Variants in PKD1L3 observed in about 807,000 individuals in gnomAD.
The protein encoded by PKD1L3 is polycystin-1-like protein 3.
PKD1L3 carries 239 observed loss-of-function variants against 184.1 expected under a neutral mutation model. The ratio of observed to expected loss-of-function variants is 1.30; its 90% CI spans 1.17 to 1.45. The LOEUF (loss-of-function observed/expected upper bound fraction) is 1.45, where lower values mean the gene tolerates loss of function less well. PKD1L3 is among the 40% of genes most tolerant of loss of function. The pLI, the probability that PKD1L3 is intolerant of heterozygous loss-of-function variation, is 0.00. For missense variants in PKD1L3, 2,660 were observed against 2,067.2 expected (o/e 1.29, Z -5.56); for synonymous variants, 996 against 778.8 (o/e 1.28, Z -4.64).
rs201048620 is a variant in PKD1L3 at position 71,968,022 on chromosome 16, G to C, written c.2185-15C>G. On this transcript the variant is annotated splice_polypyrimidine_tract_variant and intron_variant, in intron 13 of 29. Transcript: ENST00000620267. ...GTGACCTTCACCTGCAAGAAAAGCA[G>C]AACCATGCAACTTACTAGGCCTCCA... The C allele has an allele frequency of 1.9e-6, 3 of 1,544,120 alleles. No individual in the cohort carries two copies. The highest frequency in any genetic ancestry group is 2.6e-6 in the Non-Finnish European group (3 of 1,140,568).
chr16:71,943,236 A>G (rs575200604), intron 23 of PKD1L3, among the ~76,000 whole-genome samples: 8 of 152,200 alleles, frequency 5.3e-5, no homozygotes, highest in African/African-American at 1.9e-4. Context: ...TTTTACTTAA[A>G]ATAAGATACA....
chr16:71,937,790 A>G (rs1319853327), intron 24 of PKD1L3, among the ~76,000 whole-genome samples: 4 of 152,328 alleles, frequency 2.6e-5, no homozygotes, highest in Non-Finnish European at 5.9e-5. Context: ...ATGGATACTC[A>G]GTCATTTACA....
chr16:71,981,737 C>T lies in PKD1L3; in HGVS notation c.1143+322G>A, dbSNP rs549559629. Among the ~76,000 whole-genome samples the T allele has an allele frequency of 7.9e-5, 12 of 152,094 alleles. 1 individual carries two copies. In the South Asian group the frequency reaches 1.0e-3, roughly 13 times the overall value. On this transcript the variant is annotated intron_variant, in intron 7 of 29. Transcript: ENST00000620267. ...TGTATTTTTAGTAGAGATGCAGTTT[C>T]GCCATGTGGGCCAGGCTGGTCTCGA...
chr16:71,957,087 A>G (rs2039076594), intron 16 of PKD1L3, among the ~76,000 whole-genome samples: 1 of 152,216 alleles, frequency 6.6e-6, no homozygotes, highest in South Asian at 2.1e-4. Flanking sequence ...TAGAATTTTA[A>G]TTATAATCCC....
intron 16 of PKD1L3, among the ~76,000 whole-genome samples, chr16:71,960,976 G>A (rs888545657): frequency 2.0e-5 from 3 of 152,046 alleles, no homozygotes; most frequent in Non-Finnish European, 4.4e-5. Flanking sequence ...TTTGGTGAAG[G>A]AGAGAAAATT....
rs2039353197 is a variant in PKD1L3 at position 71,963,277 on chromosome 16, G to A, written c.2540C>T (p.Ala847Val). 3 of 1,551,426 alleles carry A rather than the reference G, an allele frequency of 1.9e-6. No individual in the cohort carries two copies. Among genetic ancestry groups the A allele is most frequent in the Non-Finnish European group, 2.6e-6 (3 of 1,146,908 alleles). Residue 847 changes from alanine (A) to valine (V), a missense_variant, in exon 16 of 30, where the codon GCT (alanine) becomes GTT (valine). By Grantham distance (64) the Ala-to-Val change is moderately conservative (BLOSUM62 0). Transcript: ENST00000620267. ...KWHFLCNCWL[A>V]VDLGDCELDR... ...AAGCTCACAGTCTCCGAGGTCCACA[G>A]CCAGCCAGCAATTGCACAGGAAATG...
intron 16 of PKD1L3, among the ~76,000 whole-genome samples, chr16:71,957,106 G>T (rs1021868193): frequency 1.3e-5 from 2 of 152,072 alleles, no homozygotes; most frequent in Admixed American, 6.6e-5. Flanking sequence ...CCCAGGGGAG[G>T]CATAAAGAAA....
Position 71,990,282 on chromosome 16 carries a change from G to C in PKD1L3, c.583C>G (p.Leu195Val). The part of the protein sequence containing the change: ...TTCHYPLPAH[L>V]SKTLCHPISQ... ...ATGTTGTCAAGGGAAGCACTTACAA[G>C]ATGAGCAGGAAGAGGATAGTGACAT... The change falls in exon 4 of 30, where the codon CTT becomes GTT. Residue 195 changes from leucine to valine, a missense_variant and splice_region_variant. By Grantham distance (32) the Leu-to-Val change is conservative. Coordinates refer to ENST00000620267, the MANE Select transcript of PKD1L3 (RefSeq NM_181536.2). The C allele has an allele frequency of 6.5e-7, 1 of 1,545,704 alleles. No individual in the cohort carries two copies. The highest frequency in any genetic ancestry group is 1.2e-5 in the South Asian group (1 of 83,924).
intron 2 of PKD1L3, among the ~76,000 whole-genome samples, chr16:71,997,961 A>G (rs1035559): frequency 0.38 from 57,271 of 151,828 alleles, 10,969 homozygotes; most frequent in Middle Eastern, 0.5. Flanking sequence ...CTGAAGCCCA[A>G]ATGCTGACTG....
At position 71,954,060 on chromosome 16, in the gene PKD1L3, A is replaced by G. The variant is rs1202827924; in HGVS notation, c.2809+45T>C. 2.9e-6 allele frequency: 4 copies of G among 1,402,888 alleles called. No homozygotes were observed. In the African/African-American group the frequency reaches 4.6e-5, roughly 16 times the overall value. The allele number at this position is 1,402,888 out of a possible 1,614,324, so 86.9% of individuals were successfully genotyped here. A position where few individuals can be genotyped will look rare whatever the true frequency, so the allele number is the denominator to read the frequency against. On this transcript the variant is annotated intron_variant, in intron 17 of 29. Transcript: ENST00000620267. ...GCAAGACCCTGTCTCAAAAAAAAAA[A>G]AGGATTGCTTACTACAAACAACACA...
At chr16:71,979,452 A>G (rs924766523) in intron 9 of PKD1L3, among the ~76,000 whole-genome samples, 4 of 149,150 alleles carry the variant, frequency 2.7e-5, no homozygotes, top group Admixed American at 2.0e-4. Flanking sequence ...TCAACAAAAC[A>G]AAACAAAACA....
intron 16 of PKD1L3, among the ~76,000 whole-genome samples, chr16:71,956,685 T>A (rs2039062887): frequency 6.6e-6 from 1 of 152,150 alleles, no homozygotes; most frequent in Non-Finnish European, 1.5e-5. Context: ...AACAGGAAGT[T>A]GTTCAATGGG....
chr16:71,948,831 T>C (rs1258319025), intron 21 of PKD1L3, among the ~76,000 whole-genome samples: 1 of 50,240 alleles, frequency 2.0e-5, no homozygotes, highest in Non-Finnish European at 4.1e-5. Flanking sequence ...AAAAAGTCAC[T>C]TTTTGGTGTG....
In PKD1L3 at chr16:71,937,278, C is replaced by T. The variant is rs2038212162; in HGVS notation, c.4452+14G>A. ...CCATGTTGCCCAGGCTGACATCTAA[C>T]ATTATTGACTCACCTGTATGAAGGC... is the stretch of plus-strand genomic sequence containing the variant. On this transcript the variant is annotated intron_variant, in intron 25 of 29. Transcript: ENST00000620267. 1 of 1,547,756 alleles carries T rather than the reference C, an allele frequency of 6.5e-7. No homozygotes were observed. The highest frequency in any genetic ancestry group is 8.7e-7 in the Non-Finnish European group (1 of 1,145,754).
At chr16:71,964,027 C>G (rs543366579) in intron 15 of PKD1L3, among the ~76,000 whole-genome samples, 78 of 152,228 alleles carry the variant, frequency 5.1e-4, no homozygotes, top group Non-Finnish European at 1.0e-3. Flanking sequence ...ACATTAATGA[C>G]TTCTCACTCT....
At chr16:71,970,906 G>A (rs2039685729) in intron 12 of PKD1L3, among the ~76,000 whole-genome samples, 2 of 152,206 alleles carry the variant, frequency 1.3e-5, no homozygotes, top group African/African-American at 2.4e-5. Context: ...AATACAACAA[G>A]AGATATGTAC....
chr16:71,986,729 T>A (rs1481181266), intron 4 of PKD1L3, among the ~76,000 whole-genome samples: 3 of 152,114 alleles, frequency 2.0e-5, no homozygotes, highest in African/African-American at 7.2e-5. Flanking sequence ...CTAAGAATGT[T>A]CTAGAGAACT....
At chr16:71,943,955 A>G (rs2038460163) in intron 23 of PKD1L3, 75 bp downstream of exon 23, 6 of 1,448,154 alleles carry the variant, frequency 4.1e-6, no homozygotes, top group East Asian at 5.0e-5. Flanking sequence ...TTTATTTTCC[A>G]TTTTATTCTC....
chr16:71,977,434 G>A lies in PKD1L3; in HGVS notation c.1561C>T (p.His521Tyr), dbSNP rs1489788654. The change falls in exon 11 of 30, where the codon CAT (histidine) becomes TAT (tyrosine). Residue 521 changes from histidine to tyrosine, a missense_variant. Coordinates refer to ENST00000620267, the MANE Select transcript of PKD1L3 (RefSeq NM_181536.2). The part of the protein sequence containing the change: ...MLWRNVSLET[H>Y]PTSLNMSTHQ... ...GTGCTCATGTTGAGGCTGGTGGGATGGGTTTCCAAGCTAACATTTCTCCAG... is the reference window on the plus strand; with the variant it reads ...GTGCTCATGTTGAGGCTGGTGGGATAGGTTTCCAAGCTAACATTTCTCCAG... The A allele has an allele frequency of 1.9e-6, 3 of 1,551,342 alleles. No homozygotes were observed. Among genetic ancestry groups the A allele is most frequent in the South Asian group, 2.4e-5 (2 of 84,050 alleles).
Sources: gnomAD v4.1 joint callset for allele counts (sites outside exome capture counted in the v4.1 genomes callset) on GRCh38, gnomAD v4.1.1 for gene constraint, MANE v1.5 for transcripts, NCBI Gene and HGNC (gene_info 2026-07-23, HGNC 2026-07-21) for gene names.